Variants in NRG3 observed in about 807,000 individuals in gnomAD.
NRG3 encodes pro-neuregulin-3, membrane-bound isoform.
NRG3 carries 31 observed loss-of-function variants against 66.9 expected under a neutral mutation model. The ratio of observed to expected loss-of-function variants is 0.46; its 90% CI spans 0.35 to 0.63. NRG3 has a LOEUF of 0.63. NRG3 is among the 20% of genes least tolerant of loss of function. NRG3 has a pLI of 0.00. For missense variants in NRG3, 910 were observed against 878.9 expected, an observed-to-expected ratio of 1.04 and a Z score of -0.45; for synonymous variants, 393 against 359.4, an observed-to-expected ratio of 1.09 and a Z score of -1.06.
intron 2 of NRG3, among the ~76,000 whole-genome samples, chr10:82,523,648 G>A (rs1484115571): frequency 6.6e-6 from 1 of 151,814 alleles, no homozygotes; most frequent in Non-Finnish European, 1.5e-5. Flanking sequence ...CCTATGACTT[G>A]CAAAAGTTTC....
At chr10:82,300,213 T>C (rs2134752601) in intron 1 of NRG3, among the ~76,000 whole-genome samples, 1 of 148,942 alleles carries the variant, frequency 6.7e-6, no homozygotes, top group Admixed American at 6.7e-5. Flanking sequence ...ATGGGTGAAA[T>C]TGATATGCTG....
rs913501076 is a variant in NRG3 at position 82,120,918 on chromosome 10, T to TTTC, written c.824-237808_824-237806dup. On this transcript the variant is annotated intron_variant, in intron 1 of 8. Transcript: ENST00000372141. ...GCCTCCGTACCCATGTTTCTGCCTG[T>TTTC]TTCTTCTTCTTCTTCCCTTTTTTTC... Among the ~76,000 whole-genome samples, 10 of 152,200 alleles carry TTTC rather than the reference T, an allele frequency of 6.6e-5. No homozygotes were observed. In the South Asian group the frequency reaches 8.3e-4, roughly 13 times the overall value.
chr10:82,591,349 A>G (rs659554), intron 2 of NRG3, among the ~76,000 whole-genome samples: 6,281 of 152,284 alleles, frequency 0.041, 187 homozygotes, highest in Non-Finnish European at 0.06. Flanking sequence ...GATACAAAAT[A>G]CTAATGCAAC....
intron 1 of NRG3, among the ~76,000 whole-genome samples, chr10:82,022,618 C>A (rs1005623921): frequency 1.3e-5 from 2 of 151,982 alleles, no homozygotes; most frequent in African/African-American, 4.8e-5. Context: ...TAGATACTGA[C>A]CTAAATTATT....
At chr10:82,700,176 G>A (rs955421586) in intron 2 of NRG3, among the ~76,000 whole-genome samples, 4 of 152,058 alleles carry the variant, frequency 2.6e-5, no homozygotes, top group Admixed American at 2.0e-4. Context: ...AAGTTAGATC[G>A]CACACTAAAT....
At chr10:81,934,187 T>C (rs1166180628) in intron 1 of NRG3, among the ~76,000 whole-genome samples, 1 of 152,182 alleles carries the variant, frequency 6.6e-6, no homozygotes, top group Admixed American at 6.5e-5. Context: ...GTACTATAAT[T>C]GCAGATTATA....
chr10:82,485,733 G>A (rs562136879), intron 2 of NRG3, among the ~76,000 whole-genome samples: 2 of 151,924 alleles, frequency 1.3e-5, no homozygotes, highest in African/African-American at 4.8e-5. Flanking sequence ...TTATAGATGA[G>A]TATAGACATT....
chr10:82,126,923 G>A (rs2132440354), intron 1 of NRG3, among the ~76,000 whole-genome samples: 1 of 152,186 alleles, frequency 6.6e-6, no homozygotes, highest in African/African-American at 2.4e-5. Flanking sequence ...CTAGTCGTAA[G>A]CTAGACAAAG....
At chr10:82,208,924 A>G (rs554790978) in intron 1 of NRG3, among the ~76,000 whole-genome samples, 1 of 152,272 alleles carries the variant, frequency 6.6e-6, no homozygotes, top group South Asian at 2.1e-4. Context: ...CATATGGTCC[A>G]TGTTCATCAG....
intron 1 of NRG3, chr10:81,877,795 T>C: frequency 7.3e-7 from 1 of 1,373,600 alleles, no homozygotes; most frequent in Non-Finnish European, 9.4e-7. Flanking sequence ...AGAGCACATT[T>C]TCCCAGGAGG....
intron 2 of NRG3, among the ~76,000 whole-genome samples, chr10:82,418,458 G>GTTTATGCAAATTAACCAGTTTATGC (rs58367470): frequency 9.9e-5 from 15 of 152,078 alleles, no homozygotes; most frequent in African/African-American, 1.9e-4. Flanking sequence ...TTATGCAAAT[G>GTTTATGCAAATTAACCAGTTTATGC]AAAAGAGGAG....
intron 1 of NRG3, among the ~76,000 whole-genome samples, chr10:82,206,515 G>T (rs182015761): frequency 3.9e-5 from 6 of 152,288 alleles, no homozygotes; most frequent in Non-Finnish European, 5.9e-5. Flanking sequence ...AGGAATAGTA[G>T]TGTTATCTCT....
intron 4 of NRG3, among the ~76,000 whole-genome samples, chr10:82,880,977 G>A (rs1842252042): frequency 6.6e-6 from 1 of 152,212 alleles, no homozygotes; most frequent in Non-Finnish European, 1.5e-5. Flanking sequence ...AATATGAGCA[G>A]TGCAGGAAGA....
chr10:82,928,288 T>G (rs1847211732), intron 4 of NRG3, among the ~76,000 whole-genome samples: 1 of 152,206 alleles, frequency 6.6e-6, no homozygotes, highest in Admixed American at 6.5e-5. Flanking sequence ...TTCTATAGGT[T>G]GCCTGTTCAC....
intron 2 of NRG3, among the ~76,000 whole-genome samples, chr10:82,590,062 A>T (rs1590789617): frequency 6.6e-6 from 1 of 152,140 alleles, no homozygotes; most frequent in African/African-American, 2.4e-5. Flanking sequence ...TCAATACTTT[A>T]ATGAGAACTA....
chr10:82,466,481 T>G (rs532957031), intron 2 of NRG3, among the ~76,000 whole-genome samples: 1 of 152,228 alleles, frequency 6.6e-6, no homozygotes, highest in Non-Finnish European at 1.5e-5. Flanking sequence ...GATAGGGGCT[T>G]AATGAAACAG....
At chr10:82,010,471 A>G (rs113789845) in intron 1 of NRG3, among the ~76,000 whole-genome samples, 204 of 152,316 alleles carry the variant, frequency 1.3e-3, no homozygotes, top group Non-Finnish European at 2.4e-3. Flanking sequence ...TGTAGTGTCT[A>G]TAACCATTAA....
chr10:82,500,750 C>G (rs1378853640), intron 2 of NRG3, among the ~76,000 whole-genome samples: 1 of 152,118 alleles, frequency 6.6e-6, no homozygotes, highest in Non-Finnish European at 1.5e-5. Context: ...TTCTATGTGT[C>G]TAAGGGGTAC....
chr10:82,724,062 CAGAAAAAAAA>C (rs2134550774), intron 2 of NRG3, among the ~76,000 whole-genome samples: 1 of 147,842 alleles, frequency 6.8e-6, no homozygotes, highest in African/African-American at 2.5e-5. Flanking sequence ...AGCTTAGCTT[CAGAAAAAAAA>C]AGAAAAAAAA....
Sources: gnomAD v4.1 joint callset for allele counts (sites outside exome capture counted in the v4.1 genomes callset) on GRCh38, gnomAD v4.1.1 for gene constraint, MANE v1.5 for transcripts, NCBI Gene and HGNC (gene_info 2026-07-23, HGNC 2026-07-21) for gene names.